Variants in DPP10 observed in about 807,000 individuals in gnomAD.
DPP10 encodes dipeptidyl peptidase like 10.
DPP10 carries 33 observed loss-of-function variants against 120.9 expected under a neutral mutation model. The ratio of observed to expected loss-of-function variants is 0.27; its 90% confidence interval spans 0.21 to 0.37. The LOEUF is 0.37. DPP10 is among the 10% of genes least tolerant of loss of function. The pLI, the probability that DPP10 is intolerant of heterozygous loss-of-function variation, is 1.00. For synonymous variants in DPP10, 337 were observed against 326.1 expected (o/e 1.03, Z -0.36); for missense variants, 816 against 942.8 (o/e 0.87, Z 1.76).
At chr2:115,457,759 T>C (rs1181871093) in intron 3 of DPP10, among the ~76,000 whole-genome samples, 7 of 152,090 alleles carry the variant, frequency 4.6e-5, no homozygotes, top group African/African-American at 1.7e-4. Context: ...GACAGTTTCC[T>C]AAAAAGTAAA....
chr2:115,218,638 TG>T (rs1273216270), intron 1 of DPP10, among the ~76,000 whole-genome samples: 2 of 152,126 alleles, frequency 1.3e-5, no homozygotes, highest in East Asian at 3.9e-4. Context: ...TCTTTGAGAA[TG>T]CTGTGAGTGA....
intron 1 of DPP10, among the ~76,000 whole-genome samples, chr2:115,120,004 T>G (rs538483829): frequency 6.6e-6 from 1 of 152,232 alleles, no homozygotes; most frequent in Non-Finnish European, 1.5e-5. Context: ...CCCAATTGAT[T>G]TACCCCAAAG....
At chr2:115,835,007 A>ACCCGGGGGGCGGAGCTTGCAGTGAG (rs1689311657) in intron 21 of DPP10, among the ~76,000 whole-genome samples, 1 of 150,044 alleles carries the variant, frequency 6.7e-6, no homozygotes, top group South Asian at 2.1e-4. Context: ...AATGGCGTGA[A>ACCCGGGGGGCGGAGCTTGCAGTGAG]CCCGGGGGGC....
chr2:115,471,610 A>G (rs1475223206), intron 3 of DPP10, among the ~76,000 whole-genome samples: 3 of 151,012 alleles, frequency 2.0e-5, no homozygotes, highest in Non-Finnish European at 4.4e-5. Context: ...TTTTTGAGAC[A>G]AGGTCTCACA....
At chr2:115,091,444 A>C (rs1315580350) in intron 1 of DPP10, among the ~76,000 whole-genome samples, 1 of 152,126 alleles carries the variant, frequency 6.6e-6, no homozygotes, top group Admixed American at 6.5e-5. Context: ...TATGTGATGG[A>C]GATCATTTGA....
At chr2:115,642,100 C>T (rs2086830921) in intron 5 of DPP10, among the ~76,000 whole-genome samples, 1 of 152,018 alleles carries the variant, frequency 6.6e-6, no homozygotes, top group Non-Finnish European at 1.5e-5. Context: ...GTTACACATT[C>T]CTGTAACTCT....
intron 21 of DPP10, among the ~76,000 whole-genome samples, chr2:115,817,140 C>T (rs1429014421): frequency 2.6e-5 from 4 of 151,460 alleles, no homozygotes; most frequent in Non-Finnish European, 5.9e-5. Flanking sequence ...CCCAGCTACT[C>T]GGGAAGCTGA....
chr2:115,771,083 TTTA>T (rs1553504265), intron 13 of DPP10, among the ~76,000 whole-genome samples: 6 of 152,014 alleles, frequency 3.9e-5, no homozygotes, highest in Admixed American at 1.3e-4. Context: ...TATTTATTTA[TTTA>T]TTTTTTGAGA....
At chr2:114,809,728 CTT>C (rs966641710) in intron 1 of DPP10, among the ~76,000 whole-genome samples, 6 of 152,136 alleles carry the variant, frequency 3.9e-5, no homozygotes, top group Admixed American at 2.0e-4. Flanking sequence ...TGCAGTGACT[CTT>C]TACCTGCATA....
At chr2:115,534,054 A>G (rs1296141347) in intron 5 of DPP10, among the ~76,000 whole-genome samples, 6 of 151,960 alleles carry the variant, frequency 3.9e-5, no homozygotes, top group South Asian at 2.1e-4. Flanking sequence ...TTACTAATGT[A>G]TTTATCAATT....
chr2:114,750,523 C>G (rs561001289), intron 1 of DPP10, among the ~76,000 whole-genome samples: 2 of 152,006 alleles, frequency 1.3e-5, no homozygotes, highest in African/African-American at 4.8e-5. Flanking sequence ...TTAGTAGAGA[C>G]GGGGTTTCAC....
chr2:115,187,409 A>C (rs1313117963), intron 1 of DPP10, among the ~76,000 whole-genome samples: 1 of 152,160 alleles, frequency 6.6e-6, no homozygotes, highest in South Asian at 2.1e-4. Flanking sequence ...TTAGTATAGA[A>C]ACTTTCAGAT....
chr2:115,410,978 T>G (rs1008886649), intron 3 of DPP10, among the ~76,000 whole-genome samples: 5 of 152,174 alleles, frequency 3.3e-5, no homozygotes, highest in African/African-American at 1.2e-4. Flanking sequence ...TTTGTAAAAC[T>G]TTTCTGTGGT....
intron 1 of DPP10, among the ~76,000 whole-genome samples, chr2:114,743,648 G>A (rs1678282667): frequency 6.6e-6 from 1 of 152,150 alleles, no homozygotes; most frequent in South Asian, 2.1e-4. Context: ...CACTGATTGT[G>A]TGTTCTCTTT....
At chr2:115,754,346 A>G (rs1575685079) in intron 11 of DPP10, among the ~76,000 whole-genome samples, 1 of 152,130 alleles carries the variant, frequency 6.6e-6, no homozygotes, top group East Asian at 1.9e-4. Flanking sequence ...GTGCATACCT[A>G]TATGTTTCCA....
intron 2 of DPP10, among the ~76,000 whole-genome samples, chr2:115,336,956 T>A (rs1485945848): frequency 1.3e-5 from 2 of 151,974 alleles, no homozygotes; most frequent in African/African-American, 4.8e-5. Context: ...ATAGTAAGAT[T>A]TCTCTAGGTG....
chr2:115,162,422 G>C (rs910815492), intron 1 of DPP10: 4 of 1,197,710 alleles, frequency 3.3e-6, no homozygotes, highest in Non-Finnish European at 3.4e-6. Flanking sequence ...CACCGGGTTC[G>C]AGCCCCGTCC....
intron 3 of DPP10, among the ~76,000 whole-genome samples, chr2:115,454,089 C>G (rs957275068): frequency 2.0e-5 from 3 of 151,478 alleles, no homozygotes; most frequent in Admixed American, 6.6e-5. Context: ...AATATCTTCT[C>G]TAAAATAAAA....
chr2:115,171,515 A>T (rs765604264), intron 1 of DPP10, among the ~76,000 whole-genome samples: 16 of 152,088 alleles, frequency 1.1e-4, no homozygotes, highest in Non-Finnish European at 1.9e-4. Context: ...CCTAAATGTC[A>T]CACCTTTGTA....
Sources: gnomAD v4.1 joint callset for allele counts (sites outside exome capture counted in the v4.1 genomes callset) on GRCh38, gnomAD v4.1.1 for gene constraint, MANE v1.5 for transcripts, NCBI Gene and HGNC (gene_info 2026-07-23, HGNC 2026-07-21) for gene names.